NR3C2: variants seen among roughly 807,000 people sequenced by gnomAD.
NR3C2 encodes the protein nuclear receptor subfamily 3 group C member 2.
NR3C2 carries 15 observed loss-of-function variants against 86.4 expected under a neutral mutation model. That is an observed-to-expected ratio of 0.17 (90% CI 0.12 to 0.27). The LOEUF is 0.27. Ranked by LOEUF, NR3C2 falls within the 10% of genes least tolerant of loss-of-function variation. NR3C2 has a pLI of 1.00. For missense variants in NR3C2, 960 were observed against 1,195.6 expected (o/e 0.80, Z 2.91); for synonymous variants, 458 against 450.5 (o/e 1.02, Z -0.21).
chr4:148,141,283 A>C (rs6819902), intron 6 of NR3C2, among the ~76,000 whole-genome samples: 5 of 151,994 alleles, frequency 3.3e-5, no homozygotes, highest in Non-Finnish European at 5.9e-5. Flanking sequence ...AAATACAAAA[A>C]ATTAGCTGGG....
At chr4:148,414,363 TAAAG>T (rs1748892522) in intron 2 of NR3C2, among the ~76,000 whole-genome samples, 1 of 152,178 alleles carries the variant, frequency 6.6e-6, no homozygotes, top group African/African-American at 2.4e-5. Context: ...GTCTCTCATT[TAAAG>T]AAAGATCTGA....
intron 2 of NR3C2, among the ~76,000 whole-genome samples, chr4:148,278,816 G>C (rs183804832): frequency 9.2e-5 from 14 of 151,812 alleles, no homozygotes; most frequent in Non-Finnish European, 1.9e-4. Flanking sequence ...TAGGTAAAGA[G>C]ACAAAGTATG....
chr4:148,106,217 C>T (rs1433860897), intron 8 of NR3C2, among the ~76,000 whole-genome samples: 5 of 152,114 alleles, frequency 3.3e-5, no homozygotes, highest in Non-Finnish European at 7.4e-5. Flanking sequence ...CATACACCAA[C>T]AATAGGCAAG....
intron 8 of NR3C2, among the ~76,000 whole-genome samples, chr4:148,090,224 A>G (rs1730997208): frequency 6.6e-6 from 1 of 152,228 alleles, no homozygotes; most frequent in South Asian, 2.1e-4. Flanking sequence ...TCTACTAAGC[A>G]GAAATACACA....
At chr4:148,300,562 T>C (rs556844401) in intron 2 of NR3C2, among the ~76,000 whole-genome samples, 1 of 151,730 alleles carries the variant, frequency 6.6e-6, no homozygotes, top group East Asian at 2.0e-4. Context: ...AACTGAATTA[T>C]TTTTCTCCAT....
At chr4:148,251,452 A>C (rs975059398) in intron 3 of NR3C2, among the ~76,000 whole-genome samples, 1 of 152,160 alleles carries the variant, frequency 6.6e-6, no homozygotes, top group African/African-American at 2.4e-5. Context: ...CTACACCACG[A>C]GTGCAAGTTC....
At chr4:148,286,781 T>A (rs1420644777) in intron 2 of NR3C2, among the ~76,000 whole-genome samples, 1 of 152,230 alleles carries the variant, frequency 6.6e-6, no homozygotes, top group Non-Finnish European at 1.5e-5. Context: ...TAATTTTATA[T>A]ACATCAACAT....
intron 2 of NR3C2, among the ~76,000 whole-genome samples, chr4:148,334,490 G>A (rs534679366): frequency 1.3e-4 from 20 of 152,188 alleles, no homozygotes; most frequent in Admixed American, 1.2e-3. Flanking sequence ...TGCAGTGAGC[G>A]GAGATCGCGC....
intron 4 of NR3C2, among the ~76,000 whole-genome samples, chr4:148,179,241 T>A (rs1226499025): frequency 6.6e-6 from 1 of 151,546 alleles, no homozygotes; most frequent in Admixed American, 6.6e-5. Context: ...TTGAGGATGC[T>A]ACTTGGAAAG....
chr4:148,267,978 C>T (rs1392957746), intron 2 of NR3C2, among the ~76,000 whole-genome samples: 21 of 134,184 alleles, frequency 1.6e-4, no homozygotes, highest in African/African-American at 5.5e-4. Context: ...CTTGCTCTGT[C>T]GCCCAGGCTG....
chr4:148,183,312 T>G (rs534503567), intron 4 of NR3C2, among the ~76,000 whole-genome samples: 2 of 152,350 alleles, frequency 1.3e-5, no homozygotes, highest in East Asian at 1.9e-4. Flanking sequence ...AGTAGCATGA[T>G]TTATAATCCT....
At chr4:148,359,503 C>T (rs748350816) in intron 2 of NR3C2, among the ~76,000 whole-genome samples, 2 of 152,050 alleles carry the variant, frequency 1.3e-5, no homozygotes, top group African/African-American at 2.4e-5. Context: ...GATATATCTA[C>T]GAAACTAAGG....
intron 3 of NR3C2, among the ~76,000 whole-genome samples, chr4:148,233,334 T>C (rs1738559726): frequency 6.6e-6 from 1 of 151,146 alleles, no homozygotes; most frequent in African/African-American, 2.4e-5. Flanking sequence ...TAGAGGCCAT[T>C]GTTGGATTAT....
At chr4:148,086,663 A>G (rs1417891806) in intron 8 of NR3C2, among the ~76,000 whole-genome samples, 1 of 152,214 alleles carries the variant, frequency 6.6e-6, no homozygotes, top group Non-Finnish European at 1.5e-5. Context: ...AATTGATAGA[A>G]CCTGAGAAGT....
intron 4 of NR3C2, among the ~76,000 whole-genome samples, chr4:148,160,466 G>A (rs2149774110): frequency 6.6e-6 from 1 of 152,256 alleles, no homozygotes; most frequent in African/African-American, 2.4e-5. Context: ...CCGAATGATG[G>A]CTGACTAGGA....
chr4:148,387,610 C>T (rs1579237753), intron 2 of NR3C2, among the ~76,000 whole-genome samples: 1 of 152,180 alleles, frequency 6.6e-6, no homozygotes, highest in Admixed American at 6.5e-5. Flanking sequence ...AGCAACATGA[C>T]AAAATCGCTG....
chr4:148,374,471 G>C (rs1355950704), intron 2 of NR3C2, among the ~76,000 whole-genome samples: 5 of 151,930 alleles, frequency 3.3e-5, no homozygotes, highest in African/African-American at 1.2e-4. Context: ...TGAAGGCCAG[G>C]GTAAGAAGCT....
intron 2 of NR3C2, among the ~76,000 whole-genome samples, chr4:148,287,635 G>A (rs1448297601): frequency 6.6e-6 from 1 of 152,016 alleles, no homozygotes; most frequent in Non-Finnish European, 1.5e-5. Context: ...AAAACTATTT[G>A]ATAAAACAAT....
chr4:148,412,453 C>T (rs991880760), intron 2 of NR3C2, among the ~76,000 whole-genome samples: 1 of 152,024 alleles, frequency 6.6e-6, no homozygotes, highest in Non-Finnish European at 1.5e-5. Context: ...AGATTTTTGG[C>T]TAAGTATTCA....
Sources: gnomAD v4.1 joint callset for allele counts (sites outside exome capture counted in the v4.1 genomes callset) on GRCh38, gnomAD v4.1.1 for gene constraint, MANE v1.5 for transcripts, NCBI Gene and HGNC (gene_info 2026-07-23, HGNC 2026-07-21) for gene names.